The following CDC14A variants were observed in gnomAD, a reference collection of about 807,000 sequenced individuals.
The protein encoded by CDC14A is cell division cycle 14A.
CDC14A carries 53 observed loss-of-function variants against 74.4 expected under a neutral mutation model. The observed-to-expected ratio is 0.71, with a 90% CI of 0.57 to 0.89. The LOEUF (loss-of-function observed/expected upper bound fraction) is 0.89. CDC14A is among the 40% of genes least tolerant of loss of function. The probability of loss-of-function intolerance (pLI) is 0.00; values close to 1 mark genes in which losing one functional copy is unlikely to be tolerated. For synonymous variants in CDC14A, 247 were observed against 258.4 expected, an observed-to-expected ratio of 0.96 and a Z score of 0.43; for missense variants, 646 against 713.7, an observed-to-expected ratio of 0.91 and a Z score of 1.08.
chr1:100,367,272 T>G (rs1309498813), intron 2 of CDC14A, among the ~76,000 whole-genome samples: 3 of 152,254 alleles, frequency 2.0e-5, no homozygotes, highest in Non-Finnish European at 4.4e-5. Context: ...CACATTTGAT[T>G]ATTTTCATTG....
intron 10 of CDC14A, 67 bp downstream of exon 10, chr1:100,468,161 G>A (rs933760320): frequency 6.4e-7 from 1 of 1,568,258 alleles, no homozygotes; most frequent in East Asian, 2.3e-5. Context: ...TTGTTCCCCT[G>A]GTTGTGGACC....
chr1:100,422,426 T>C (rs1203218107), intron 4 of CDC14A, among the ~76,000 whole-genome samples: 1 of 152,234 alleles, frequency 6.6e-6, no homozygotes, highest in East Asian at 1.9e-4. Flanking sequence ...TAGCAACCAG[T>C]CACCTTTCAA....
chr1:100,491,572 A>ATATATATTT (rs1418515078), intron 11 of CDC14A, among the ~76,000 whole-genome samples: 3 of 25,108 alleles, frequency 1.2e-4, no homozygotes, highest in African/African-American at 3.2e-4. Context: ...ATATATATAT[A>ATATATATTT]TTTTTTTTTT....
At chr1:100,498,236 C>A in intron 14 of CDC14A, 29 bp downstream of exon 14, 1 of 1,607,934 alleles carries the variant, frequency 6.2e-7, no homozygotes. Flanking sequence ...TTCTAAGGTG[C>A]TGGTTTGAGG....
chr1:100,412,723 T>TATATATATATA (rs1491148182), intron 4 of CDC14A, among the ~76,000 whole-genome samples: 3 of 83,762 alleles, frequency 3.6e-5, no homozygotes, highest in African/African-American at 3.0e-4. Flanking sequence ...TATATATATA[T>TATATATATATA]TTTATATATA....
chr1:100,499,053 C>T lies in CDC14A; in HGVS notation c.1546C>T (p.Leu516Phe), dbSNP rs376296207. 2.5e-6 allele frequency: 4 copies of T among 1,614,064 alleles called. No homozygotes were observed. In the African/African-American group the frequency reaches 4.0e-5, roughly 16 times the overall value. The change falls in exon 15 of 16, where the codon CTC becomes TTC. Residue 516 changes from leucine (L) to phenylalanine (F), a missense_variant. Physicochemically the swap from Leu to Phe is conservative, Grantham distance 22. Coordinates refer to ENST00000336454, the MANE Select transcript of CDC14A (RefSeq NM_003672.4). The part of the protein sequence containing the change: ...AGFTASPFTN[L>F]LNGSSQPTTR... ...CTTCACAGCCAGCCCGTTTACCAACCTCTTGAATGGCAGCTCCCAGCCAAC... is the reference window on the plus strand; with the variant it reads ...CTTCACAGCCAGCCCGTTTACCAACTTCTTGAATGGCAGCTCCCAGCCAAC...
At chr1:100,487,086 G>T (rs1004131275) in intron 11 of CDC14A, among the ~76,000 whole-genome samples, 1 of 152,056 alleles carries the variant, frequency 6.6e-6, no homozygotes, top group Admixed American at 6.5e-5. Flanking sequence ...GGAATTTCTG[G>T]ATTTACTTAG....
chr1:100,504,417 C>T (rs1649054310), intron 15 of CDC14A, among the ~76,000 whole-genome samples: 2 of 152,078 alleles, frequency 1.3e-5, no homozygotes, highest in Admixed American at 6.6e-5. Flanking sequence ...CTCTTTCCAC[C>T]TTTAATTCTT....
chr1:100,446,887 T>C (rs1469518257), intron 7 of CDC14A, among the ~76,000 whole-genome samples: 1 of 152,008 alleles, frequency 6.6e-6, no homozygotes, highest in Non-Finnish European at 1.5e-5. Flanking sequence ...TTTGTAGAGA[T>C]GGGGTTTCGC....
chr1:100,385,199 C>T (rs1222104380), intron 3 of CDC14A, among the ~76,000 whole-genome samples: 1 of 152,126 alleles, frequency 6.6e-6, no homozygotes, highest in East Asian at 1.9e-4. Flanking sequence ...TAAAAGATTC[C>T]CAGGGGTGGG....
At position 100,455,464 on chromosome 1, in the gene CDC14A, A is replaced by G. The variant is rs1387154073; in HGVS notation, c.579A>G (p.Gly193=). The change falls in exon 8 of 16, where the codon GGA becomes GGG. Residue 193 remains glycine (G), a synonymous_variant. Transcript: ENST00000336454. Reference sequence around the variant, plus strand: ...CAGGAAAATTTTTAGCATTTAGTGGACCACATCCTAAAAGCAAAATTGAGA... The same window carrying G: ...CAGGAAAATTTTTAGCATTTAGTGGGCCACATCCTAAAAGCAAAATTGAGA... The part of the protein sequence containing the change: ...IVPGKFLAFS[G]PHPKSKIENG... 5 of 1,595,682 alleles carry G rather than the reference A, an allele frequency of 3.1e-6. No individual in the cohort carries two copies. The Admixed American group carries it at 8.9e-5, about 28-fold the overall frequency.
chr1:100,391,075 G>T (rs748658449), intron 4 of CDC14A: 17 of 463,954 alleles, frequency 3.7e-5, no homozygotes, highest in Non-Finnish European at 5.9e-5. Flanking sequence ...AGTTATATAG[G>T]TATTTTAATA....
At chr1:100,346,125 T>C (rs1279804445) in intron 1 of CDC14A, among the ~76,000 whole-genome samples, 1 of 151,996 alleles carries the variant, frequency 6.6e-6, no homozygotes, top group East Asian at 1.9e-4. Context: ...GAGCTGAGAT[T>C]GTGCCACTGT....
rs768784699 is a variant in CDC14A at position 100,377,630 on chromosome 1, T to A, written c.216+9T>A. ...TAAACAAGAAACTAAAAGTGAGTAT[T>A]GTAGTGATATTTATAATTTGGAATT... is the stretch of plus-strand genomic sequence containing the variant. On this transcript the variant is annotated intron_variant, in intron 3 of 15. Coordinates refer to ENST00000336454, the MANE Select transcript of CDC14A (RefSeq NM_003672.4). 1 of 1,590,586 alleles carries A rather than the reference T, an allele frequency of 6.3e-7. No individual in the cohort carries two copies. The highest frequency in any genetic ancestry group is 1.1e-5 in the South Asian group (1 of 89,974).
upstream of CDC14A, among the ~76,000 whole-genome samples, chr1:100,348,634 T>C (rs76406061): frequency 8.5e-5 from 13 of 152,316 alleles, no homozygotes; most frequent in African/African-American, 2.9e-4. Context: ...TAAGACAATG[T>C]AGAAGAAAAT....
chr1:100,477,736 A>C (rs1669058966), intron 10 of CDC14A, among the ~76,000 whole-genome samples: 1 of 152,210 alleles, frequency 6.6e-6, no homozygotes, highest in Non-Finnish European at 1.5e-5. Flanking sequence ...AAGAGGGTAA[A>C]AACGTTTTCT....
chr1:100,348,601 G>A (rs1216472590), upstream of CDC14A, among the ~76,000 whole-genome samples: 1 of 152,210 alleles, frequency 6.6e-6, no homozygotes, highest in Non-Finnish European at 1.5e-5. Context: ...ACTGGAAAGT[G>A]AGGGGCTTGA....
chr1:100,515,237 T>C (rs113416661), intron 15 of CDC14A, among the ~76,000 whole-genome samples: 164 of 152,300 alleles, frequency 1.1e-3, no homozygotes, highest in African/African-American at 3.7e-3. Context: ...AGGATAACCA[T>C]GTGATACCTG....
intron 2 of CDC14A, among the ~76,000 whole-genome samples, chr1:100,358,405 G>C (rs764719593): frequency 7.2e-5 from 11 of 152,350 alleles, no homozygotes; most frequent in Middle Eastern, 3.4e-3. Flanking sequence ...CATGGGTGTA[G>C]GGTTGGATGT....
Sources: gnomAD v4.1 joint callset for allele counts (sites outside exome capture counted in the v4.1 genomes callset) on GRCh38, gnomAD v4.1.1 for gene constraint, MANE v1.5 for transcripts, NCBI Gene and HGNC (gene_info 2026-07-23, HGNC 2026-07-21) for gene names.